PTPRZ1: variants seen among roughly 807,000 people sequenced by gnomAD.
The protein encoded by PTPRZ1 is receptor-type tyrosine-protein phosphatase zeta.
A neutral mutation model predicts 214.1 loss-of-function variants in PTPRZ1; 82 were observed. The observed-to-expected ratio is 0.38, with a 90% CI of 0.32 to 0.46. PTPRZ1 has a LOEUF of 0.46. Among genes scored for constraint, PTPRZ1 ranks in the 20% least tolerant of loss-of-function variants. PTPRZ1 has a pLI of 1.00. For missense variants in PTPRZ1, 2,603 were observed against 2,748.7 expected, an observed-to-expected ratio of 0.95 and a Z score of 1.19; for synonymous variants, 945 against 987.9, an observed-to-expected ratio of 0.96 and a Z score of 0.81.
chr7:122,001,407 A>G (rs975878955), intron 10 of PTPRZ1, among the ~76,000 whole-genome samples: 11 of 152,170 alleles, frequency 7.2e-5, no homozygotes, highest in Non-Finnish European at 8.8e-5. Flanking sequence ...ATTTAAGTAC[A>G]TGTTTTAGGG....
At chr7:121,964,137 C>T (rs1165831363) in intron 2 of PTPRZ1, among the ~76,000 whole-genome samples, 2 of 152,184 alleles carry the variant, frequency 1.3e-5, no homozygotes, top group Middle Eastern at 6.8e-3. Context: ...CGAGCTCAAA[C>T]TCATAAAACA....
chr7:121,887,215 T>G (rs1170641777), intron 1 of PTPRZ1, among the ~76,000 whole-genome samples: 1 of 152,160 alleles, frequency 6.6e-6, no homozygotes, highest in East Asian at 1.9e-4. Flanking sequence ...TCTAAAGACT[T>G]CTTGCTCATA....
In PTPRZ1 at chr7:122,010,357, T is replaced by A. The variant is rs368077582; in HGVS notation, c.1311T>A (p.Ile437=). The change falls in exon 12 of 30, where the codon ATT becomes ATA. Residue 437 remains isoleucine, a synonymous_variant. Transcript: ENST00000393386. ...AGGAGGAGGAAGAGGGAAAAGACAT[T>A]GAAGAAGGCGCTATTGTGAATCCTG... ...IIKEEEEGKD[I]EEGAIVNPGR... 5.0e-6 allele frequency: 8 copies of A among 1,607,976 alleles called. No individual in the cohort carries two copies. The highest frequency in any genetic ancestry group is 6.8e-6 in the Non-Finnish European group (8 of 1,178,260).
At chr7:121,937,648 G>A (rs1282136246) in intron 2 of PTPRZ1, among the ~76,000 whole-genome samples, 1 of 152,166 alleles carries the variant, frequency 6.6e-6, no homozygotes, top group African/African-American at 2.4e-5. Flanking sequence ...TCAGGGTGGA[G>A]ACTGATGGTC....
At chr7:121,987,465 G>A (rs1797792609) in intron 8 of PTPRZ1, among the ~76,000 whole-genome samples, 1 of 152,186 alleles carries the variant, frequency 6.6e-6, no homozygotes, top group African/African-American at 2.4e-5. Flanking sequence ...TCTGTTTTAA[G>A]TTCTTGAGAA....
intron 4 of PTPRZ1, among the ~76,000 whole-genome samples, chr7:121,973,463 T>C (rs1168755909): frequency 6.6e-6 from 1 of 152,154 alleles, no homozygotes; most frequent in Non-Finnish European, 1.5e-5. Context: ...CTGAATCAAA[T>C]GGACTAGGTT....
chr7:121,948,175 G>A (rs748766136), intron 2 of PTPRZ1, among the ~76,000 whole-genome samples: 1 of 152,036 alleles, frequency 6.6e-6, no homozygotes, highest in Non-Finnish European at 1.5e-5. Flanking sequence ...GACTAATATT[G>A]AATGAATAAA....
chr7:122,029,785 CTATGA>C (rs1799321264), intron 14 of PTPRZ1, among the ~76,000 whole-genome samples: 1 of 151,318 alleles, frequency 6.6e-6, no homozygotes, highest in East Asian at 1.9e-4. Flanking sequence ...ATATATTTAA[CTATGA>C]TATTTTCTTT....
At chr7:122,054,798 G>T in intron 26 of PTPRZ1, 143 bp from the exon 27 acceptor site, 1 of 791,190 alleles carries the variant, frequency 1.3e-6, no homozygotes, top group South Asian at 2.2e-5. Flanking sequence ...GAAGGCACGA[G>T]AAAGATGTTA....
At position 121,887,764 on chromosome 7, in the gene PTPRZ1, C is replaced by T. The variant is rs555643928; in HGVS notation, c.58+14207C>T. ...AGAATCTACTTTTTGGCCTGCACAG[C>T]GGATGCACCATTTCTATGGGTAAGT... On this transcript the variant is annotated intron_variant, in intron 1 of 29. Transcript: ENST00000393386. 3.9e-5 allele frequency among the ~76,000 whole-genome samples: 6 copies of T among 152,174 alleles called. No individual in the cohort carries two copies. In the South Asian group the frequency reaches 6.2e-4, roughly 16 times the overall value.
intron 1 of PTPRZ1, among the ~76,000 whole-genome samples, chr7:121,923,080 G>T (rs1197110329): frequency 6.6e-6 from 1 of 152,104 alleles, no homozygotes; most frequent in Non-Finnish European, 1.5e-5. Context: ...GATCTATGAA[G>T]ATCCTACATG....
chr7:121,959,121 C>A (rs967475362), intron 2 of PTPRZ1, among the ~76,000 whole-genome samples: 2 of 152,174 alleles, frequency 1.3e-5, no homozygotes, highest in Non-Finnish European at 2.9e-5. Context: ...CCACGCCCGG[C>A]CCCTAGTTAA....
rs1355935409 is a variant in PTPRZ1, at chr7:122,012,078, A to G, written c.3032A>G (p.Asp1011Gly). The G allele has an allele frequency of 6.2e-7, 1 of 1,614,198 alleles. No homozygotes were observed. Residue 1011 changes from aspartate (D) to glycine (G), a missense_variant, in exon 12 of 30, where the codon GAT becomes GGT. Asp to Gly is a moderately conservative substitution (Grantham distance 94). Coordinates refer to ENST00000393386, the MANE Select transcript of PTPRZ1 (RefSeq NM_002851.3). ...AGTGAATTTCTTTTACCTGACACAG[A>G]TGGGCTGACAGCCCTTAACATTTCT... ...SDSEFLLPDTDGLTALNISSP... is the reference protein window; with the variant it reads ...SDSEFLLPDTGGLTALNISSP...
At chr7:121,942,852 T>G (rs1796269579) in intron 2 of PTPRZ1, among the ~76,000 whole-genome samples, 1 of 152,212 alleles carries the variant, frequency 6.6e-6, no homozygotes, top group African/African-American at 2.4e-5. Flanking sequence ...ACTTTCCAAT[T>G]TCCTAATTTT....
chr7:121,904,756 A>G (rs1795069554), intron 1 of PTPRZ1, among the ~76,000 whole-genome samples: 1 of 152,156 alleles, frequency 6.6e-6, no homozygotes. Flanking sequence ...TGTAGTTTCC[A>G]GAGTTTTATT....
chr7:121,977,892 A>T (rs1467055665), intron 6 of PTPRZ1, among the ~76,000 whole-genome samples: 1 of 152,162 alleles, frequency 6.6e-6, no homozygotes, highest in African/African-American at 2.4e-5. Context: ...ACTTAAAAAA[A>T]TGTGTAAGAT....
rs547625945 is a variant in PTPRZ1, at chr7:121,873,201, G to T, written c.-299G>T. The T allele has an allele frequency of 1.8e-4, 75 of 419,830 alleles. No homozygotes were observed. Among genetic ancestry groups the T allele is most frequent in the African/African-American group, 1.2e-3 (59 of 48,956 alleles). 26.0% of individuals were successfully genotyped at this position (419,830 alleles called of 1,614,324 possible). A position where few individuals can be genotyped will look rare whatever the true frequency, so the allele number is the denominator to read the frequency against. The stretch of plus-strand genomic sequence containing the variant: ...CAGCCGGCGAAAGAGGCAAAGTCCC[G>T]CACGCCGGAGGACATGCGCCTCGGC... On this transcript the variant is annotated 5_prime_UTR_variant, in exon 1 of 30. Coordinates refer to ENST00000393386, the MANE Select transcript of PTPRZ1 (RefSeq NM_002851.3).
chr7:121,988,888 G>C (rs1179326405), intron 8 of PTPRZ1, among the ~76,000 whole-genome samples: 1 of 152,156 alleles, frequency 6.6e-6, no homozygotes. Flanking sequence ...GAAGAATACA[G>C]TACAGTAGGA....
At chr7:121,943,777 A>C (rs1342889041) in intron 2 of PTPRZ1, among the ~76,000 whole-genome samples, 1 of 152,324 alleles carries the variant, frequency 6.6e-6, no homozygotes, top group South Asian at 2.1e-4. Context: ...CCACAAATTT[A>C]ATGTCTAACA....
Sources: gnomAD v4.1 joint callset for allele counts (sites outside exome capture counted in the v4.1 genomes callset) on GRCh38, gnomAD v4.1.1 for gene constraint, MANE v1.5 for transcripts, NCBI Gene and HGNC (gene_info 2026-07-23, HGNC 2026-07-21) for gene names.